DPYSL2: variants seen among roughly 807,000 people sequenced by gnomAD.
The protein encoded by DPYSL2 is dihydropyrimidinase-related protein 2.
Under a neutral mutation model 69.9 loss-of-function variants are expected in DPYSL2, and 13 were observed. The ratio of observed to expected loss-of-function variants is 0.19; its 90% confidence interval spans 0.12 to 0.30. DPYSL2 has a LOEUF of 0.30. Among genes scored for constraint, DPYSL2 ranks in the 10% least tolerant of loss-of-function variants. DPYSL2 has a pLI of 1.00. For synonymous variants in DPYSL2, 326 were observed against 359.1 expected (o/e 0.91, Z 1.04); for missense variants, 587 against 918.9 (o/e 0.64, Z 4.67).
chr8:26,573,836 CAAA>C lies in DPYSL2; in HGVS notation c.355-8114_355-8112del, dbSNP rs145546482. Among the ~76,000 whole-genome samples, 532 of 82,414 alleles carry C rather than the reference CAAA, an allele frequency of 6.5e-3. 2 individuals are homozygous for C. The highest frequency in any genetic ancestry group is 0.015 in the African/African-American group (321 of 20,758). The allele number at this position is 82,414 out of a possible 152,430, so 54.1% of individuals were successfully genotyped here. A position where few individuals can be genotyped will look rare whatever the true frequency, so the allele number is the denominator to read the frequency against. On this transcript the variant is annotated intron_variant, in intron 1 of 13. Transcript: ENST00000521913. ...TGGGCGACAGAGTGAGACTCCACCT[CAAA>C]AAAAAAAAAAAAAAAAAAGTGATAG...
At chr8:26,566,573 G>A (rs1179358629) in intron 1 of DPYSL2, among the ~76,000 whole-genome samples, 1 of 152,168 alleles carries the variant, frequency 6.6e-6, no homozygotes, top group African/African-American at 2.4e-5. Context: ...ACTGACAACA[G>A]CCTTAAGGCA....
intron 1 of DPYSL2, among the ~76,000 whole-genome samples, chr8:26,550,568 A>G (rs1373052034): frequency 1.3e-5 from 2 of 152,078 alleles, no homozygotes; most frequent in Non-Finnish European, 2.9e-5. Flanking sequence ...ATATAAAAAT[A>G]CAGATAGATT....
At chr8:26,595,702 A>T (rs573196861) in intron 3 of DPYSL2, among the ~76,000 whole-genome samples, 87 of 152,318 alleles carry the variant, frequency 5.7e-4, no homozygotes, top group Non-Finnish European at 1.1e-3. Flanking sequence ...CGGCTAAGGA[A>T]GCATTTAGTC....
Position 26,582,149 on chromosome 8 carries a change from A to T in DPYSL2, c.443+92A>T. 2.9e-6 allele frequency: 3 copies of T among 1,037,802 alleles called. No homozygotes were observed. The highest frequency in any genetic ancestry group is 4.4e-6 in the Non-Finnish European group (3 of 686,596). 64.3% of individuals were successfully genotyped at this position (1,037,802 alleles called of 1,614,324 possible). A position where few individuals can be genotyped will look rare whatever the true frequency, so the allele number is the denominator to read the frequency against. On this transcript the variant is annotated intron_variant, in intron 2 of 13. Transcript: ENST00000521913. The surrounding 1 kb of genome is among the most constrained non-coding windows in gnomAD (Gnocchi z 4.1). ...ATTCGCATCCAAAGTATCAAACTTC[A>T]GGAACATCAGAGAGTGACCAACTTA...
At chr8:26,634,449 T>TTTTTA (rs1554545916) in intron 7 of DPYSL2, among the ~76,000 whole-genome samples, 3 of 145,996 alleles carry the variant, frequency 2.1e-5, no homozygotes, top group Non-Finnish European at 4.5e-5. Context: ...TTTTTTTTTT[T>TTTTTA]AATTGTATTT....
At chr8:26,649,752 T>C (rs1219924477) in intron 11 of DPYSL2, among the ~76,000 whole-genome samples, 1 of 152,238 alleles carries the variant, frequency 6.6e-6, no homozygotes, top group Non-Finnish European at 1.5e-5. Flanking sequence ...TCCAGGCATC[T>C]GGCCCGATGA....
At chr8:26,550,672 G>C (rs1585503100) in intron 1 of DPYSL2, among the ~76,000 whole-genome samples, 2 of 152,178 alleles carry the variant, frequency 1.3e-5, no homozygotes, top group East Asian at 3.9e-4. Context: ...ATGACAAGTG[G>C]CTTATTAGAG....
chr8:26,576,889 C>T (rs1801357353), intron 1 of DPYSL2, among the ~76,000 whole-genome samples: 2 of 152,238 alleles, frequency 1.3e-5, no homozygotes, highest in Non-Finnish European at 2.9e-5. Context: ...CTGCCCCCGA[C>T]AGCGCTGCAG....
rs1337702052 is a variant in DPYSL2, at chr8:26,533,383, T to G, written c.354+18704T>G. ...TTTAATTTTGACAAAGTGTAACTTA[T>G]CTATCTTTTCTTTTGTTGCTTGTAC... On this transcript the variant is annotated intron_variant, in intron 1 of 13. Coordinates refer to ENST00000521913, the MANE Select transcript of DPYSL2 (RefSeq NM_001197293.3). The surrounding 1 kb of genome is among the most constrained non-coding windows in gnomAD (Gnocchi z 4.8). 6.6e-6 allele frequency among the ~76,000 whole-genome samples: 1 copy of G among 152,248 alleles called. No homozygotes were observed. The highest frequency in any genetic ancestry group is 6.5e-5 in the Admixed American group (1 of 15,282).
rs902350334 is a variant in DPYSL2 at position 26,571,445 on chromosome 8, A to G, written c.355-10524A>G. ...GGGCAGGCCTGAGGCACGATGGCTGAGCTAGGTGCCCTTTGTCCCCATCAG... is the reference window on the plus strand; with the variant it reads ...GGGCAGGCCTGAGGCACGATGGCTGGGCTAGGTGCCCTTTGTCCCCATCAG... On this transcript the variant is annotated intron_variant, in intron 1 of 13. Transcript: ENST00000521913. The surrounding 1 kb of genome is among the most constrained non-coding windows in gnomAD (Gnocchi z 6.1). Among the ~76,000 whole-genome samples the G allele has an allele frequency of 6.6e-6, 1 of 152,162 alleles. No homozygotes were observed. The highest frequency in any genetic ancestry group is 1.5e-5 in the Non-Finnish European group (1 of 68,034).
At chr8:26,536,317 C>T (rs1585494826) in intron 1 of DPYSL2, among the ~76,000 whole-genome samples, 1 of 151,842 alleles carries the variant, frequency 6.6e-6, no homozygotes, top group Non-Finnish European at 1.5e-5. Flanking sequence ...GCTCAGCCTC[C>T]CAAAGTGCTG....
intron 3 of DPYSL2, among the ~76,000 whole-genome samples, chr8:26,603,896 A>G (rs1276296289): frequency 6.6e-6 from 1 of 152,216 alleles, no homozygotes; most frequent in Non-Finnish European, 1.5e-5. Flanking sequence ...TGATAGATAC[A>G]TGGGCTGCTT....
rs1216443757 is a variant in DPYSL2, at chr8:26,593,381, A to T, written c.628+9398A>T. Among the ~76,000 whole-genome samples, 2 of 152,196 alleles carry T rather than the reference A, an allele frequency of 1.3e-5. No homozygotes were observed. The highest frequency in any genetic ancestry group is 2.9e-5 in the Non-Finnish European group (2 of 68,034). On this transcript the variant is annotated intron_variant, in intron 3 of 13. Transcript: ENST00000521913. This position sits in a 1 kb window ranked among gnomAD's most constrained non-coding sequence, Gnocchi z 5.7. ...AAGGTGATAGCTGGGATTAAGAATC[A>T]TGGATCCCAGTGCTTGTTCTGATAG... is the stretch of plus-strand genomic sequence containing the variant.
intron 1 of DPYSL2, among the ~76,000 whole-genome samples, chr8:26,541,860 A>G (rs1800688928): frequency 6.6e-6 from 1 of 152,030 alleles, no homozygotes; most frequent in Non-Finnish European, 1.5e-5. Context: ...AACAACAAAG[A>G]CAGCGAGAAA....
chr8:26,515,485 A>G (rs1429211111), intron 1 of DPYSL2, among the ~76,000 whole-genome samples: 10 of 152,248 alleles, frequency 6.6e-5, no homozygotes, highest in Admixed American at 6.5e-4. Context: ...CTCGCACTCG[A>G]AATAGACTGT....
At chr8:26,551,977 C>A (rs2117637139) in intron 1 of DPYSL2, among the ~76,000 whole-genome samples, 1 of 152,176 alleles carries the variant, frequency 6.6e-6, no homozygotes, top group South Asian at 2.1e-4. Context: ...CCATGCCTGG[C>A]TAATTTTTAA....
chr8:26,655,945 A>G lies in DPYSL2; in HGVS notation c.*239A>G. The G allele has an allele frequency of 2.6e-6, 1 of 379,396 alleles. No homozygotes were observed. Among genetic ancestry groups the G allele is most frequent in the East Asian group, 3.8e-5 (1 of 26,650 alleles). The allele number at this position is 379,396 out of a possible 1,614,324, so 23.5% of individuals were successfully genotyped here. A position where few individuals can be genotyped will look rare whatever the true frequency, so the allele number is the denominator to read the frequency against. ...ATCTATGGGTATCACACCCAAGACT[A>G]CCCACCAAGCTCATACAGGGAACCA... On this transcript the variant is annotated 3_prime_UTR_variant, in exon 14 of 14. Coordinates refer to ENST00000521913, the MANE Select transcript of DPYSL2 (RefSeq NM_001197293.3).
In DPYSL2 at chr8:26,647,573, C is replaced by T. The variant is rs574293798; in HGVS notation, c.1426-57C>T. ...TCAATAGTTTGTTATTGAAAAGTAA[C>T]TTTTTAACTCGTTTCTGCTGTGTGC... On this transcript the variant is annotated intron_variant, in intron 10 of 13. Coordinates refer to ENST00000521913, the MANE Select transcript of DPYSL2 (RefSeq NM_001197293.3). This position sits in a 1 kb window ranked among gnomAD's most constrained non-coding sequence, Gnocchi z 5.1. 1 of 1,528,118 alleles carries T rather than the reference C, an allele frequency of 6.5e-7. No homozygotes were observed. Among genetic ancestry groups the T allele is most frequent in the Admixed American group, 2.1e-5 (1 of 47,540 alleles). The allele number at this position is 1,528,118 out of a possible 1,614,324, so 94.7% of individuals were successfully genotyped here. A position where few individuals can be genotyped will look rare whatever the true frequency, so the allele number is the denominator to read the frequency against.
In DPYSL2 at chr8:26,567,554, G is replaced by A. The variant is rs74771557; in HGVS notation, c.355-14415G>A. 3.2e-3 allele frequency among the ~76,000 whole-genome samples: 483 copies of A among 152,362 alleles called. 1 individual carries two copies. The highest frequency in any genetic ancestry group is 0.01 in the African/African-American group (431 of 41,598). On this transcript the variant is annotated intron_variant, in intron 1 of 13. Transcript: ENST00000521913. ...TCTAAGAGAAGGAGACACTGTATAA[G>A]GAAATAGTCCAGGAGACTGTTTTGG...
Sources: gnomAD v4.1 joint callset for allele counts (sites outside exome capture counted in the v4.1 genomes callset) on GRCh38, gnomAD v4.1.1 for gene constraint, Gnocchi (gnomAD v3.1) non-coding constraint, MANE v1.5 for transcripts, NCBI Gene and HGNC (gene_info 2026-07-23, HGNC 2026-07-21) for gene names.